COL21A1: variants seen among roughly 807,000 people sequenced by gnomAD.
The protein encoded by COL21A1 is collagen alpha-1(XXI) chain.
In COL21A1, 149 loss-of-function variants were observed where a neutral mutation model predicts 137.9. The ratio of observed to expected loss-of-function variants is 1.08; its 90% CI spans 0.95 to 1.24. COL21A1 has a LOEUF of 1.24. COL21A1 is among the 50% of genes most tolerant of loss of function. The pLI is 0.00. For synonymous variants in COL21A1, 456 were observed against 391.5 expected (o/e 1.16, Z -1.95); for missense variants, 1,167 against 1,158.4 (o/e 1.01, Z -0.11).
chr6:56,318,303 A>G (rs530674145), intron 1 of COL21A1, among the ~76,000 whole-genome samples: 1 of 152,134 alleles, frequency 6.6e-6, no homozygotes, highest in Non-Finnish European at 1.5e-5. Flanking sequence ...GAAAGTGAAC[A>G]TGGCTAAAAA....
intron 9 of COL21A1, among the ~76,000 whole-genome samples, chr6:56,157,876 A>G (rs1178388819): frequency 6.6e-6 from 1 of 152,244 alleles, no homozygotes; most frequent in African/African-American, 2.4e-5. Context: ...TCTTGAATAC[A>G]TGTAATATTT....
At chr6:56,274,882 C>CA (rs1233764873) in intron 1 of COL21A1, among the ~76,000 whole-genome samples, 71 of 149,294 alleles carry the variant, frequency 4.8e-4, no homozygotes, top group African/African-American at 1.6e-3. Context: ...CATATGGAAC[C>CA]AAAAAAAAAG....
chr6:56,254,748 CA>C (rs1782927863), intron 1 of COL21A1, among the ~76,000 whole-genome samples: 1 of 152,126 alleles, frequency 6.6e-6, no homozygotes. Context: ...TTTATTACTC[CA>C]GCTATTCTCT....
intron 1 of COL21A1, among the ~76,000 whole-genome samples, chr6:56,316,956 A>G (rs980457429): frequency 6.6e-6 from 1 of 152,150 alleles, no homozygotes; most frequent in Non-Finnish European, 1.5e-5. Context: ...GTCATTTAGT[A>G]TACAAAGACT....
intron 1 of COL21A1, among the ~76,000 whole-genome samples, chr6:56,332,389 T>C (rs1368185123): frequency 6.6e-6 from 1 of 152,020 alleles, no homozygotes; most frequent in African/African-American, 2.4e-5. Flanking sequence ...AGAGGATCAC[T>C]AATGTGATAT....
Position 56,170,682 on chromosome 6 carries a change from T to A in COL21A1, c.993A>T (p.Ser331=). ...LFTTTSVING[S]QVVTFANPQV... ...GAGGGTTAGCAAAGGTAACCACTTG[T>A]GAGCCATTAATTACGCTGGTTGTTG... The change falls in exon 5 of 30, where the codon TCA becomes TCT. Residue 331 remains serine (S), a synonymous_variant. Transcript: ENST00000244728. 6.2e-7 allele frequency: 1 copy of A among 1,601,442 alleles called. No individual in the cohort carries two copies. Among genetic ancestry groups the A allele is most frequent in the Non-Finnish European group, 8.5e-7 (1 of 1,172,162 alleles).
chr6:56,057,482 G>A lies in COL21A1; in HGVS notation c.*175C>T, dbSNP rs1448290419. On this transcript the variant is annotated 3_prime_UTR_variant, in exon 30 of 30. Transcript: ENST00000244728. ...AATCCAAGGGCTCCAAATGACTGAG[G>A]AGCCTTTAAAATCAGTATATGTGAT... The A allele has an allele frequency of 3.2e-6, 2 of 630,068 alleles. No individual in the cohort carries two copies. Among genetic ancestry groups the A allele is most frequent in the Non-Finnish European group, 5.5e-6 (2 of 366,560 alleles). 39.0% of individuals were successfully genotyped at this position (630,068 alleles called of 1,614,324 possible).
At chr6:56,317,443 C>G (rs758145012) in intron 1 of COL21A1, among the ~76,000 whole-genome samples, 2 of 152,128 alleles carry the variant, frequency 1.3e-5, no homozygotes, top group Non-Finnish European at 2.9e-5. Context: ...CTAGGTGATT[C>G]CTCCTCAGTA....
chr6:56,363,738 C>T (rs555551423), intron 1 of COL21A1, among the ~76,000 whole-genome samples: 1 of 152,222 alleles, frequency 6.6e-6, no homozygotes, highest in African/African-American at 2.4e-5. Context: ...CTTAGCATCA[C>T]TGCTCTCTGC....
intron 1 of COL21A1, among the ~76,000 whole-genome samples, chr6:56,194,820 T>C (rs1484721658): frequency 2.3e-5 from 2 of 88,302 alleles, no homozygotes; most frequent in Non-Finnish European, 4.3e-5. Flanking sequence ...TTGGCTACAG[T>C]TTGAATGTTT....
At chr6:56,299,602 A>G (rs1390292786) in intron 1 of COL21A1, among the ~76,000 whole-genome samples, 1 of 152,024 alleles carries the variant, frequency 6.6e-6, no homozygotes, top group Non-Finnish European at 1.5e-5. Flanking sequence ...AAAAAAAGAC[A>G]TTTTCATTCC....
chr6:56,173,186 T>TACAAA (rs1777196789), intron 3 of COL21A1, among the ~76,000 whole-genome samples: 1 of 151,872 alleles, frequency 6.6e-6, no homozygotes, highest in African/African-American at 2.4e-5. Context: ...ACCCCATCTC[T>TACAAA]ACAAAAACAA....
At chr6:56,369,252 G>T (rs963914661) in intron 1 of COL21A1, among the ~76,000 whole-genome samples, 1 of 151,554 alleles carries the variant, frequency 6.6e-6, no homozygotes, top group African/African-American at 2.4e-5. Context: ...GATAATGAAG[G>T]CATACTATAA....
Position 56,213,690 on chromosome 6 carries a change from G to C in COL21A1, c.-38-31034C>G, listed in dbSNP as rs9475634. Among the ~76,000 whole-genome samples, 1,427 of 152,060 alleles carry C rather than the reference G, an allele frequency of 9.4e-3. 23 individuals carry two copies. The highest frequency in any genetic ancestry group is 0.031 in the African/African-American group (1,288 of 41,490). On this transcript the variant is annotated intron_variant, in intron 1 of 29. Transcript: ENST00000244728. ...TTTACGGAAAAAAAAATAGTATATT[G>C]TATACATTTTTCGTGTGTGTACTAC...
chr6:56,078,383 T>G (rs1335654702), intron 17 of COL21A1, among the ~76,000 whole-genome samples: 2 of 151,558 alleles, frequency 1.3e-5, no homozygotes, highest in East Asian at 1.9e-4. Flanking sequence ...CCTATTTTGG[T>G]GACATTTGAG....
intron 1 of COL21A1, among the ~76,000 whole-genome samples, chr6:56,272,950 T>C (rs1163102045): frequency 2.0e-5 from 3 of 152,162 alleles, no homozygotes; most frequent in African/African-American, 7.2e-5. Flanking sequence ...AATGGACTAA[T>C]ACACATTCTA....
intron 12 of COL21A1, among the ~76,000 whole-genome samples, chr6:56,141,309 A>G (rs1774390851): frequency 6.6e-6 from 1 of 152,230 alleles, no homozygotes; most frequent in Non-Finnish European, 1.5e-5. Flanking sequence ...AACCTGGAAG[A>G]CATTTTTGTT....
chr6:56,295,268 T>C (rs538996341), intron 1 of COL21A1, among the ~76,000 whole-genome samples: 2 of 152,100 alleles, frequency 1.3e-5, no homozygotes, highest in East Asian at 1.9e-4. Flanking sequence ...TTCATGTGAG[T>C]CTATTTCTGG....
intron 16 of COL21A1, among the ~76,000 whole-genome samples, chr6:56,105,392 A>G (rs1770801702): frequency 6.6e-6 from 1 of 152,184 alleles, no homozygotes; most frequent in South Asian, 2.1e-4. Context: ...TCCTTTATTC[A>G]CGATGTATTT....
Sources: allele counts gnomAD v4.1 joint callset (sites outside exome capture counted in the v4.1 genomes callset), GRCh38; gene constraint gnomAD v4.1.1; transcripts MANE v1.5; gene names NCBI Gene and HGNC (gene_info 2026-07-23, HGNC 2026-07-21).